WDR25: variants seen among roughly 807,000 people sequenced by gnomAD.
The protein encoded by WDR25 is WD repeat domain 25.
In WDR25, 35 loss-of-function variants were observed where a neutral mutation model predicts 47.7. That is an observed-to-expected ratio of 0.73 (90% confidence interval 0.56 to 0.97). The LOEUF (loss-of-function observed/expected upper bound fraction) is 0.97. Ranked by LOEUF, WDR25 falls within the 50% of genes least tolerant of loss-of-function variation. WDR25 has a pLI of 0.00. For synonymous variants in WDR25, 248 were observed against 278.9 expected (o/e 0.89, Z 1.10); for missense variants, 634 against 704.7 (o/e 0.90, Z 1.14).
At chr14:100,390,914 T>C (rs2140153017) in intron 2 of WDR25, among the ~76,000 whole-genome samples, 1 of 152,370 alleles carries the variant, frequency 6.6e-6, no homozygotes, top group East Asian at 1.9e-4. Flanking sequence ...TTCATTTACG[T>C]ACAGCTCTTT....
intron 2 of WDR25, among the ~76,000 whole-genome samples, chr14:100,411,753 C>A (rs1182567839): frequency 6.6e-6 from 1 of 152,144 alleles, no homozygotes; most frequent in Non-Finnish European, 1.5e-5. Flanking sequence ...CCAGGCTGGT[C>A]TCAAACTCCG....
intron 2 of WDR25, among the ~76,000 whole-genome samples, chr14:100,464,321 G>A (rs1053176489): frequency 6.6e-6 from 1 of 152,034 alleles, no homozygotes. Flanking sequence ...CACCATTTCA[G>A]CCCCTTCCCT....
In WDR25 at chr14:100,378,772, A is replaced by T. The variant is rs1311819782; in HGVS notation, c.-15-2138A>T. On this transcript the variant is annotated intron_variant, in intron 1 of 6. Coordinates refer to ENST00000402312, the MANE Select transcript of WDR25 (RefSeq NM_001161476.3). ...AGGAGATCGAGACCATCCCGGCTAAAACGGTGAAACCCCGTCTCTACTAAA... is the reference window on the plus strand; with the variant it reads ...AGGAGATCGAGACCATCCCGGCTAATACGGTGAAACCCCGTCTCTACTAAA... Among the ~76,000 whole-genome samples, 2 of 30,456 alleles carry T rather than the reference A, an allele frequency of 6.6e-5. 1 individual carries two copies. The highest frequency in any genetic ancestry group is 1.4e-4 in the African/African-American group (2 of 14,478). The allele number at this position is 30,456 out of a possible 152,430, so 20.0% of individuals were successfully genotyped here.
chr14:100,500,622 C>T lies in WDR25; in HGVS notation c.1101+16498C>T, dbSNP rs1018882897. On this transcript the variant is annotated intron_variant, in intron 4 of 6. Transcript: ENST00000402312. The surrounding 1 kb of genome is among the most constrained non-coding windows in gnomAD (Gnocchi z 4.7). ...GTTTTGGGGCCCCCCACAGTTTTGACGCTGGCTCAGCCAAGCGAGCCTCAC... is the reference window on the plus strand; with the variant it reads ...GTTTTGGGGCCCCCCACAGTTTTGATGCTGGCTCAGCCAAGCGAGCCTCAC... Among the ~76,000 whole-genome samples the T allele has an allele frequency of 2.0e-5, 3 of 152,158 alleles. No homozygotes were observed. Among genetic ancestry groups the T allele is most frequent in the South Asian group, 4.1e-4 (2 of 4,826 alleles).
intron 4 of WDR25, among the ~76,000 whole-genome samples, chr14:100,497,830 C>T (rs773245576): frequency 3.3e-5 from 5 of 152,198 alleles, no homozygotes; most frequent in African/African-American, 1.2e-4. Context: ...CCCCTCCCCC[C>T]GCCAGGTGAT....
chr14:100,417,863 C>G (rs915176367), intron 2 of WDR25, among the ~76,000 whole-genome samples: 9 of 152,256 alleles, frequency 5.9e-5, no homozygotes, highest in Admixed American at 3.3e-4. Flanking sequence ...TGCCCCTGTT[C>G]CTCCTGCCCT....
At chr14:100,453,175 G>T (rs1274957531) in intron 2 of WDR25, among the ~76,000 whole-genome samples, 1 of 152,186 alleles carries the variant, frequency 6.6e-6, no homozygotes, top group Admixed American at 6.5e-5. Context: ...TAGGAAGAGG[G>T]GTTAGTCTGG....
intron 4 of WDR25, among the ~76,000 whole-genome samples, chr14:100,519,876 ATATG>A (rs1901652112): frequency 7.4e-6 from 1 of 136,028 alleles, no homozygotes; most frequent in Non-Finnish European, 1.5e-5. Context: ...TATATACACT[ATATG>A]TATATATGTA....
chr14:100,455,142 T>G (rs1382657695), intron 2 of WDR25: 1 of 152,160 alleles, frequency 6.6e-6, no homozygotes. Context: ...ATTATAGATG[T>G]GCTGAAGGAC....
intron 3 of WDR25, among the ~76,000 whole-genome samples, chr14:100,474,187 G>A (rs746373921): frequency 6.6e-6 from 1 of 152,122 alleles, no homozygotes; most frequent in African/African-American, 2.4e-5. Context: ...AATATCCTTC[G>A]TTTCTCACTC....
In WDR25 at chr14:100,467,989, T is replaced by A. The variant is rs6575783; in HGVS notation, c.823-32T>A. 23,000 of 1,611,102 alleles carry A rather than the reference T, an allele frequency of 0.014. 2,801 individuals are homozygous for A. In the African/African-American group the frequency reaches 0.27, roughly 19 times the overall value. On this transcript the variant is annotated intron_variant, in intron 2 of 6. Transcript: ENST00000402312. ...AGCCCTGGAGATCAGGCCCTTGTTG[T>A]GACACCTGGTGCTGTCTGTGTTTGC... is the stretch of plus-strand genomic sequence containing the variant.
rs775377484 is a variant in WDR25, at chr14:100,430,644, T to G, written c.823-37377T>G. Among the ~76,000 whole-genome samples, 18 of 152,196 alleles carry G rather than the reference T, an allele frequency of 1.2e-4. No individual in the cohort carries two copies. Among genetic ancestry groups the G allele is most frequent in the Non-Finnish European group, 2.4e-4 (16 of 68,026 alleles). On this transcript the variant is annotated intron_variant, in intron 2 of 6. Coordinates refer to ENST00000402312, the MANE Select transcript of WDR25 (RefSeq NM_001161476.3). The surrounding 1 kb of genome is among the most constrained non-coding windows in gnomAD (Gnocchi z 4.7). ...GGTCCCTGTTTGCAGATGAGGACAC[T>G]GAGGCACAGTGGGAACCAGCGGCTG...
chr14:100,393,015 T>C (rs1389321260), intron 2 of WDR25, among the ~76,000 whole-genome samples: 3 of 152,250 alleles, frequency 2.0e-5, no homozygotes, highest in Non-Finnish European at 2.9e-5. Context: ...TAACCAACTA[T>C]TTTGCTTAAC....
chr14:100,429,183 C>T (rs937011929), intron 2 of WDR25, among the ~76,000 whole-genome samples: 1 of 152,196 alleles, frequency 6.6e-6, no homozygotes, highest in African/African-American at 2.4e-5. Flanking sequence ...ACCCTGTGCT[C>T]CACTGAAGTT....
chr14:100,490,045 T>C (rs763727660), intron 4 of WDR25, among the ~76,000 whole-genome samples: 1 of 152,258 alleles, frequency 6.6e-6, no homozygotes, highest in African/African-American at 2.4e-5. Context: ...CTTGGTTTCT[T>C]GACCTCCTTC....
intron 2 of WDR25, among the ~76,000 whole-genome samples, chr14:100,441,509 G>C: frequency 6.6e-6 from 1 of 152,086 alleles, no homozygotes; most frequent in African/African-American, 2.4e-5. Flanking sequence ...CAGAGTGTGT[G>C]GGTCTTGGAG....
At chr14:100,519,041 C>T (rs1185200181) in intron 4 of WDR25, among the ~76,000 whole-genome samples, 1 of 151,998 alleles carries the variant, frequency 6.6e-6, no homozygotes, top group East Asian at 1.9e-4. Context: ...GTGTCCATGC[C>T]CACTATGTAC....
At chr14:100,473,320 G>C (rs1032340049) in intron 3 of WDR25, among the ~76,000 whole-genome samples, 10 of 152,186 alleles carry the variant, frequency 6.6e-5, no homozygotes, top group Admixed American at 5.9e-4. Flanking sequence ...GCTTAGCATG[G>C]TCAGTGACTT....
intron 2 of WDR25, among the ~76,000 whole-genome samples, chr14:100,431,430 A>G (rs1206776429): frequency 6.6e-6 from 1 of 152,226 alleles, no homozygotes; most frequent in Non-Finnish European, 1.5e-5. Flanking sequence ...CTCCTTCTTT[A>G]TATATTCGGA....
Sources: gnomAD v4.1 joint callset for allele counts (sites outside exome capture counted in the v4.1 genomes callset) on GRCh38, gnomAD v4.1.1 for gene constraint, Gnocchi (gnomAD v3.1) non-coding constraint, MANE v1.5 for transcripts, NCBI Gene and HGNC (gene_info 2026-07-23, HGNC 2026-07-21) for gene names.